Variants in PLEKHA6 observed in about 807,000 individuals in gnomAD.
PLEKHA6 encodes the protein pleckstrin homology domain containing A6, also known as pleckstrin homology domain-containing family A member 6.
A neutral mutation model predicts 116.7 loss-of-function variants in PLEKHA6; 60 were observed. The observed-to-expected ratio is 0.51, with a 90% confidence interval of 0.42 to 0.64. The LOEUF (loss-of-function observed/expected upper bound fraction) is 0.64, where lower values mean the gene tolerates loss of function less well. Ranked by LOEUF, PLEKHA6 falls within the 30% of genes least tolerant of loss-of-function variation. The probability of loss-of-function intolerance (pLI) is 0.00; values close to 1 mark genes in which losing one functional copy is unlikely to be tolerated. For synonymous variants in PLEKHA6, 489 were observed against 556.1 expected, an observed-to-expected ratio of 0.88 and a Z score of 1.70; for missense variants, 1,338 against 1,422.7, an observed-to-expected ratio of 0.94 and a Z score of 0.96.
intron 1 of PLEKHA6, among the ~76,000 whole-genome samples, chr1:204,332,882 C>A (rs1209276953): frequency 6.6e-6 from 1 of 152,214 alleles, no homozygotes; most frequent in East Asian, 1.9e-4. Context: ...TTTCCCTCAG[C>A]CTGCACTTCC....
chr1:204,274,898 G>A (rs1215421402), intron 1 of PLEKHA6, 89 bp from the exon 2 acceptor site: 1 of 984,574 alleles, frequency 1.0e-6, no homozygotes, highest in Non-Finnish European at 1.2e-6. Flanking sequence ...GTGGTGACAG[G>A]GACAGGTGAT....
Position 204,221,236 on chromosome 1 carries a change from A to G in PLEKHA6, c.*1552T>C, listed in dbSNP as rs1363456470. 2 of 152,684 alleles carry G rather than the reference A, an allele frequency of 1.3e-5. No individual in the cohort carries two copies. Among genetic ancestry groups the G allele is most frequent in the African/African-American group, 4.8e-5 (2 of 41,462 alleles). 9.5% of individuals were successfully genotyped at this position (152,684 alleles called of 1,614,324 possible). ...ATAAATATTTGTTGAGTAAATTGTC[A>G]TCTTTACTTGCATATGAACCAGTAA... is the stretch of plus-strand genomic sequence containing the variant. On this transcript the variant is annotated 3_prime_UTR_variant, in exon 23 of 23. Coordinates refer to ENST00000272203, the MANE Select transcript of PLEKHA6 (RefSeq NM_014935.5).
At chr1:204,291,692 T>C (rs1437982297) in intron 1 of PLEKHA6, among the ~76,000 whole-genome samples, 1 of 152,234 alleles carries the variant, frequency 6.6e-6, no homozygotes, top group Admixed American at 6.5e-5. Context: ...AAAGTATTCA[T>C]TTATGATTCC....
In PLEKHA6 at chr1:204,292,525, G is replaced by C. The variant is rs188632858; in HGVS notation, c.-94-17716C>G. ...ATACCCACCTGTGTCCCTCACCCTGGCTGACGCCCACCTATGTCCCTCACC... is the reference window on the plus strand; with the variant it reads ...ATACCCACCTGTGTCCCTCACCCTGCCTGACGCCCACCTATGTCCCTCACC... On this transcript the variant is annotated intron_variant, in intron 1 of 22. Transcript: ENST00000272203. Among the ~76,000 whole-genome samples the C allele has an allele frequency of 1.2e-3, 188 of 151,842 alleles. 2 individuals are homozygous for C. Among genetic ancestry groups the C allele is most frequent in the Non-Finnish European group, 1.9e-3 (129 of 67,904 alleles).
intron 1 of PLEKHA6, among the ~76,000 whole-genome samples, chr1:204,316,639 C>T (rs74138373): frequency 0.015 from 2,253 of 152,244 alleles, 64 homozygotes; most frequent in African/African-American, 0.052. Context: ...CAGTTTCCCT[C>T]GGTTTCCCAT....
chr1:204,261,410 G>C lies in PLEKHA6; in HGVS notation c.420C>G (p.Ala140=), dbSNP rs766228394. 3 of 1,613,780 alleles carry C rather than the reference G, an allele frequency of 1.9e-6. No individual in the cohort carries two copies. Among genetic ancestry groups the C allele is most frequent in the Admixed American group, 1.7e-5 (1 of 59,990 alleles). ...HAGVRTYFFS[A]ESPEEQEAWI... ...AGGCCTCTTGCTCCTCGGGGCTCTC[G>C]GCACTGAAGAAGTAGGTGCGGACCC... The change falls in exon 7 of 23, where the codon GCC becomes GCG. Residue 140 remains alanine (A), a synonymous_variant. Transcript: ENST00000272203. The surrounding 1 kb of genome is among the most constrained non-coding windows in gnomAD (Gnocchi z 4.0).
intron 1 of PLEKHA6, among the ~76,000 whole-genome samples, chr1:204,376,144 A>G (rs181325638): frequency 3.0e-4 from 46 of 152,356 alleles, no homozygotes; most frequent in Non-Finnish European, 6.5e-4. Context: ...GCACTGCAGC[A>G]AAGAGTGGAT....
At chr1:204,365,181 C>A (rs1231365948) in intron 3 of PLEKHA6, among the ~76,000 whole-genome samples, 5 of 152,070 alleles carry the variant, frequency 3.3e-5, no homozygotes, top group African/African-American at 1.2e-4. Context: ...GGGGCGGGAG[C>A]GAGACTATGA....
At chr1:204,290,419 A>G (rs1157957958) in intron 1 of PLEKHA6, among the ~76,000 whole-genome samples, 1 of 152,242 alleles carries the variant, frequency 6.6e-6, no homozygotes, top group East Asian at 1.9e-4. Flanking sequence ...TATAAAGTCA[A>G]TGCAAAGGAG....
At chr1:204,346,656 G>C in intron 1 of PLEKHA6, 2 of 668,104 alleles carry the variant, frequency 3.0e-6, no homozygotes, top group Middle Eastern at 3.9e-4. Flanking sequence ...GTGGCCATGG[G>C]TAAGTGACCC....
At chr1:204,239,096 T>C (rs373010623) in intron 17 of PLEKHA6, among the ~76,000 whole-genome samples, 13 of 152,350 alleles carry the variant, frequency 8.5e-5, no homozygotes, top group African/African-American at 3.1e-4. Context: ...CCTATGTGAG[T>C]GCTCATCAAA....
At chr1:204,317,195 A>G (rs11585014) in intron 1 of PLEKHA6, 439,147 of 912,758 alleles carry the variant, frequency 0.48, 108,227 homozygotes, top group African/African-American at 0.57. Flanking sequence ...AGTTAAGCAT[A>G]GGGTACTGCT....
rs548775820 is a variant in PLEKHA6 at position 204,292,693 on chromosome 1, C to T, written c.-94-17884G>A. 2.1e-3 allele frequency among the ~76,000 whole-genome samples: 320 copies of T among 152,312 alleles called. 1 individual carries two copies. The highest frequency in any genetic ancestry group is 7.5e-3 in the African/African-American group (313 of 41,578). On this transcript the variant is annotated intron_variant, in intron 1 of 22. Coordinates refer to ENST00000272203, the MANE Select transcript of PLEKHA6 (RefSeq NM_014935.5). ...CTGGGTGGATGCTCCTGGAGCATGC[C>T]AGTGGCAGCACCTGAGAGGCTCCTG...
intron 1 of PLEKHA6, among the ~76,000 whole-genome samples, chr1:204,303,736 A>G (rs1671031050): frequency 6.6e-6 from 1 of 152,154 alleles, no homozygotes; most frequent in Non-Finnish European, 1.5e-5. Flanking sequence ...GTGGTGAGAC[A>G]AGAGTCTCAC....
chr1:204,336,986 A>G (rs541108604), intron 1 of PLEKHA6, among the ~76,000 whole-genome samples: 2 of 152,370 alleles, frequency 1.3e-5, no homozygotes, highest in East Asian at 3.9e-4. Flanking sequence ...AGCACTGGAA[A>G]GAAAGAAGAG....
chr1:204,303,953 G>A (rs1368239198), intron 1 of PLEKHA6, among the ~76,000 whole-genome samples: 2 of 152,252 alleles, frequency 1.3e-5, no homozygotes, highest in Non-Finnish European at 1.5e-5. Flanking sequence ...GAGCTCAAGC[G>A]ATCTGCCCGC....
intron 1 of PLEKHA6, among the ~76,000 whole-genome samples, chr1:204,354,174 A>T (rs1673357426): frequency 6.6e-6 from 1 of 152,104 alleles, no homozygotes. Flanking sequence ...GAGGGACCTC[A>T]CCTCCTCCTT....
chr1:204,338,214 A>G (rs779707879), intron 1 of PLEKHA6, among the ~76,000 whole-genome samples: 14 of 152,216 alleles, frequency 9.2e-5, no homozygotes, highest in African/African-American at 2.2e-4. Flanking sequence ...TCCATCCTCT[A>G]TAAAATAGGA....
At chr1:204,372,652 A>T (rs1427449285) in intron 1 of PLEKHA6, among the ~76,000 whole-genome samples, 1 of 152,194 alleles carries the variant, frequency 6.6e-6, no homozygotes, top group Non-Finnish European at 1.5e-5. Context: ...ACAATTTAAT[A>T]GTTTTGACTT....
Sources: allele counts gnomAD v4.1 joint callset (sites outside exome capture counted in the v4.1 genomes callset), GRCh38; gene constraint gnomAD v4.1.1; non-coding constraint Gnocchi (gnomAD v3.1); transcripts MANE v1.5; gene names NCBI Gene and HGNC (gene_info 2026-07-23, HGNC 2026-07-21).